The following CANX variants were observed in gnomAD, a reference collection of about 807,000 sequenced individuals.
CANX encodes the protein epididymis secretory sperm binding protein.
In CANX, 14 loss-of-function variants were observed where a neutral mutation model predicts 75.7. That is an observed-to-expected ratio of 0.19 (90% CI 0.12 to 0.29). The LOEUF (loss-of-function observed/expected upper bound fraction) is 0.29. Among genes scored for constraint, CANX ranks in the 10% least tolerant of loss-of-function variants. The probability of loss-of-function intolerance (pLI) is 1.00; values close to 1 mark genes in which losing one functional copy is unlikely to be tolerated. For missense variants in CANX, 567 were observed against 713.2 expected (o/e 0.79, Z 2.34); for synonymous variants, 227 against 236.9 (o/e 0.96, Z 0.38).
rs371318629 is a variant in CANX at position 179,710,043 on chromosome 5, G to A, written c.699G>A (p.Lys233=). The A allele has an allele frequency of 1.3e-5, 21 of 1,602,726 alleles. No homozygotes were observed. The highest frequency in any genetic ancestry group is 1.1e-4 in the East Asian group (5 of 44,806). ...ATCTGAAGACCTATTTTACTGATAA[G>A]AAAACACATCTTTACACACTAAGTA... ...DADLKTYFTD[K]KTHLYTLILN... Residue 233 remains lysine, a synonymous_variant, in exon 7 of 15, where the codon AAG becomes AAA. Transcript: ENST00000247461.
At chr5:179,698,368 G>T, upstream of CANX, 1 of 1,183,262 alleles carries the variant, frequency 8.5e-7, no homozygotes, top group Non-Finnish European at 1.1e-6. Context: ...CTCCTGGGCC[G>T]AGCCATGACT....
rs969519563 is a variant in CANX, at chr5:179,730,112, C to G, written c.*1468C>G. ...ATGTTATTATTACTCTACACTGAAA[C>G]GTATTCAGAGTTAGATATTATTTTA... On this transcript the variant is annotated 3_prime_UTR_variant, in exon 15 of 15. Coordinates refer to ENST00000247461, the MANE Select transcript of CANX (RefSeq NM_001746.4). 1 of 152,484 alleles carries G rather than the reference C, an allele frequency of 6.6e-6. No individual in the cohort carries two copies. Among genetic ancestry groups the G allele is most frequent in the Non-Finnish European group, 1.5e-5 (1 of 68,026 alleles). 9.4% of individuals were successfully genotyped at this position (152,484 alleles called of 1,614,324 possible).
At chr5:179,694,500 A>G (rs1776355698), upstream of CANX, 3 of 753,780 alleles carry the variant, frequency 4.0e-6, no homozygotes, top group Admixed American at 5.4e-5. Flanking sequence ...CTCTTCGGAA[A>G]TCCGCCCCAA....
upstream of CANX, among the ~76,000 whole-genome samples, chr5:179,697,817 G>A (rs991746494): frequency 6.6e-6 from 1 of 152,152 alleles, no homozygotes; most frequent in East Asian, 1.9e-4. Context: ...GAACCCGGGA[G>A]GCGGAGGTTG....
intron 8 of CANX, among the ~76,000 whole-genome samples, chr5:179,718,838 A>G (rs950651868): frequency 4.6e-5 from 7 of 151,060 alleles, no homozygotes; most frequent in African/African-American, 1.7e-4. Flanking sequence ...TAATTTTTGT[A>G]TTTTTTGGTA....
intron 7 of CANX, among the ~76,000 whole-genome samples, chr5:179,712,713 C>T (rs941994437): frequency 1.3e-5 from 2 of 150,760 alleles, no homozygotes; most frequent in Non-Finnish European, 3.0e-5. Flanking sequence ...CGTGAGCCAC[C>T]GCGCCTGGAC....
chr5:179,725,890 A>T (rs1232645442), intron 13 of CANX, among the ~76,000 whole-genome samples: 1 of 150,720 alleles, frequency 6.6e-6, no homozygotes, highest in East Asian at 2.0e-4. Flanking sequence ...CGGGAGGCTG[A>T]AGCAGGAGAA....
intron 10 of CANX, among the ~76,000 whole-genome samples, chr5:179,721,123 G>C (rs1778286917): frequency 6.6e-6 from 1 of 151,960 alleles, no homozygotes; most frequent in Non-Finnish European, 1.5e-5. Context: ...TAGTGGCCAG[G>C]CTGGAGTGCA....
chr5:179,699,167 T>C, intron 1 of CANX, 65 bp downstream of exon 1: 1 of 940,748 alleles, frequency 1.1e-6, no homozygotes, highest in Non-Finnish European at 1.3e-6. Context: ...GGAGCGCCTC[T>C]GCGGCTGAGG....
chr5:179,682,099 A>G (rs901006632), intron 1 of CANX, among the ~76,000 whole-genome samples: 1 of 151,584 alleles, frequency 6.6e-6, no homozygotes, highest in Admixed American at 6.6e-5. Context: ...AAAAATAGAA[A>G]AAATTAGCCG....
chr5:179,700,865 C>CT (rs530362570), intron 1 of CANX: 19,657 of 138,488 alleles, frequency 0.14, 1,396 homozygotes, highest in Middle Eastern at 0.23. Flanking sequence ...GTGTGGTAAC[C>CT]TTTTTTTTTT....
chr5:179,679,297 C>T (rs1775992116), intron 1 of CANX: 1 of 1,488,968 alleles, frequency 6.7e-7, no homozygotes, highest in Non-Finnish European at 8.9e-7. Flanking sequence ...GAGCAGCGTG[C>T]TTGGTACAGG....
At chr5:179,701,763 T>TTTTTTTTG (rs1776778449) in intron 1 of CANX, among the ~76,000 whole-genome samples, 1 of 143,040 alleles carries the variant, frequency 7.0e-6, no homozygotes, top group Non-Finnish European at 1.5e-5. Context: ...TTTTTTTTTT[T>TTTTTTTTG]GAGACGGAGT....
Position 179,708,354 on chromosome 5 carries a change from G to A in CANX, c.420G>A (p.Leu140=). The part of the protein sequence containing the change: ...AISAKLNKPF[L]FDTKPLIVQY... ...CTGCTAAACTGAACAAGCCCTTCCT[G>A]TTTGACACCAAGCCTCTCATTGTTC... Residue 140 remains leucine, a synonymous_variant, in exon 5 of 15, where the codon CTG becomes CTA. Transcript: ENST00000247461. 1.2e-6 allele frequency: 2 copies of A among 1,613,518 alleles called. No individual in the cohort carries two copies. Among genetic ancestry groups the A allele is most frequent in the South Asian group, 2.2e-5 (2 of 91,034 alleles).
intron 1 of CANX, chr5:179,679,423 G>T: frequency 1.6e-6 from 1 of 631,446 alleles, no homozygotes; most frequent in Non-Finnish European, 2.7e-6. Flanking sequence ...TGCACAGGCA[G>T]CAGTCTCACC....
At chr5:179,718,067 C>T (rs946401506) in intron 8 of CANX, among the ~76,000 whole-genome samples, 14 of 152,192 alleles carry the variant, frequency 9.2e-5, no homozygotes, top group African/African-American at 3.1e-4. Flanking sequence ...TACAGTGGTA[C>T]GGTCACGGCT....
intron 10 of CANX, among the ~76,000 whole-genome samples, chr5:179,722,553 G>A (rs997073343): frequency 6.6e-6 from 1 of 152,244 alleles, no homozygotes; most frequent in African/African-American, 2.4e-5. Context: ...CCAGGAACTT[G>A]AGGGGTTGGT....
chr5:179,720,616 A>G, intron 10 of CANX, 56 bp downstream of exon 10: 1 of 1,527,658 alleles, frequency 6.5e-7, no homozygotes, highest in Non-Finnish European at 9.1e-7. Flanking sequence ...ATTCAGATAG[A>G]AGTTTTATCT....
chr5:179,679,349 T>G, intron 1 of CANX: 6 of 1,185,092 alleles, frequency 5.1e-6, no homozygotes, highest in Non-Finnish European at 5.7e-6. Context: ...GTCTTAGCCC[T>G]GCAGCTACGG....
Sources: gnomAD v4.1 joint callset for allele counts (sites outside exome capture counted in the v4.1 genomes callset) on GRCh38, gnomAD v4.1.1 for gene constraint, MANE v1.5 for transcripts, NCBI Gene and HGNC (gene_info 2026-07-23, HGNC 2026-07-21) for gene names.